The following UGT2B4 variants were observed in gnomAD, a reference collection of about 807,000 sequenced individuals.
UGT2B4 encodes the protein UDP-glucuronosyltransferase 2B4.
A neutral mutation model predicts 49.8 loss-of-function variants in UGT2B4; 49 were observed. The observed-to-expected ratio is 0.98, with a 90% confidence interval of 0.78 to 1.25. The LOEUF (loss-of-function observed/expected upper bound fraction) is 1.25. Ranked by LOEUF, UGT2B4 falls within the 50% of genes most tolerant of loss-of-function variation. The pLI is 0.00. For missense variants in UGT2B4, 729 were observed against 627.7 expected (o/e 1.16, Z -1.73); for synonymous variants, 246 against 217.7 (o/e 1.13, Z -1.14).
chr4:69,484,149 A>G (rs1481718944), intron 5 of UGT2B4, among the ~76,000 whole-genome samples: 2 of 152,176 alleles, frequency 1.3e-5, no homozygotes, highest in South Asian at 2.1e-4. Flanking sequence ...AAGACAAATA[A>G]TAACAGGTGT....
intron 1 of UGT2B4, among the ~76,000 whole-genome samples, chr4:69,514,710 G>GAGTT (rs1728687335): frequency 6.6e-6 from 1 of 152,104 alleles, no homozygotes; most frequent in Admixed American, 6.6e-5. Flanking sequence ...TGGGTTTATT[G>GAGTT]AGTTAATCGT....
At chr4:69,511,015 T>C (rs1437040776) in intron 1 of UGT2B4, among the ~76,000 whole-genome samples, 1 of 140,354 alleles carries the variant, frequency 7.1e-6, no homozygotes, top group Non-Finnish European at 1.5e-5. Context: ...TTTGAGACAG[T>C]CTCGCTCTAT....
intron 1 of UGT2B4, among the ~76,000 whole-genome samples, chr4:69,523,728 C>T (rs988481170): frequency 2.6e-5 from 4 of 152,070 alleles, no homozygotes; most frequent in Admixed American, 2.0e-4. Context: ...TAAAGCCAGG[C>T]ATTGACTTCT....
At chr4:69,498,684 G>T (rs1159177145), upstream of UGT2B4, among the ~76,000 whole-genome samples, 1 of 152,058 alleles carries the variant, frequency 6.6e-6, no homozygotes, top group Non-Finnish European at 1.5e-5. Context: ...TCTGATGGTG[G>T]TTTGTGTTTC....
chr4:69,510,082 T>C (rs1404483530), intron 1 of UGT2B4, among the ~76,000 whole-genome samples: 1 of 152,148 alleles, frequency 6.6e-6, no homozygotes, highest in Non-Finnish European at 1.5e-5. Flanking sequence ...ATATCCAGTG[T>C]TCATAGTACC....
upstream of UGT2B4, among the ~76,000 whole-genome samples, chr4:69,500,530 AAG>A (rs1324879536): frequency 1.3e-5 from 2 of 151,026 alleles, no homozygotes; most frequent in African/African-American, 4.9e-5. Context: ...GAAAGAAAGA[AAG>A]AAGAAAGAAA....
rs1727603806 is a variant in UGT2B4, at chr4:69,481,925, C to T, written c.1311-1015G>A. 1.3e-5 allele frequency among the ~76,000 whole-genome samples: 2 copies of T among 152,150 alleles called. 1 individual carries two copies. The highest frequency in any genetic ancestry group is 4.1e-4 in the South Asian group (2 of 4,830). On this transcript the variant is annotated intron_variant, in intron 5 of 5. Coordinates refer to ENST00000305107, the MANE Select transcript of UGT2B4 (RefSeq NM_021139.3). ...TTGAAATAAAAGTCAGATTGTGATA[C>T]TCCCCTGATTAAGACTTTTGCCTGA...
intron 1 of UGT2B4, among the ~76,000 whole-genome samples, chr4:69,524,977 AAAGCATTCCAGT>A (rs1402544258): frequency 6.6e-6 from 1 of 152,240 alleles, no homozygotes; most frequent in Non-Finnish European, 1.5e-5. Context: ...TGGTATTTAG[AAAGCATTCCAGT>A]AAGTATGAAT....
intron 1 of UGT2B4, among the ~76,000 whole-genome samples, chr4:69,511,610 ATCT>A (rs1305569593): frequency 4.6e-5 from 7 of 151,860 alleles, no homozygotes; most frequent in South Asian, 2.1e-4. Context: ...ACTGTTTTTT[ATCT>A]TCTTCTTCTC....
chr4:69,499,863 T>C (rs1438179483), upstream of UGT2B4, among the ~76,000 whole-genome samples: 1 of 152,170 alleles, frequency 6.6e-6, no homozygotes, highest in Admixed American at 6.5e-5. Flanking sequence ...CCATTTACTT[T>C]TAAGGTTAAT....
Position 69,489,586 on chromosome 4 carries a change from A to G in UGT2B4, c.871-16T>C. The G allele has an allele frequency of 6.3e-7, 1 of 1,599,272 alleles. No individual in the cohort carries two copies. ...CTTCCATTTCCTGTGAAAAAAAAGA[A>G]TTTGTTCTATCATAATAGATTATCA... On this transcript the variant is annotated splice_polypyrimidine_tract_variant and intron_variant, in intron 2 of 5. Transcript: ENST00000305107.
At chr4:69,521,469 G>C (rs1728847863) in intron 1 of UGT2B4, among the ~76,000 whole-genome samples, 1 of 152,142 alleles carries the variant, frequency 6.6e-6, no homozygotes, top group South Asian at 2.1e-4. Flanking sequence ...GTCTGGTCCA[G>C]CTGCAGCTTC....
chr4:69,510,522 CA>C (rs1728578383), intron 1 of UGT2B4, among the ~76,000 whole-genome samples: 1 of 150,948 alleles, frequency 6.6e-6, no homozygotes, highest in South Asian at 2.1e-4. Context: ...TTTTAATTTG[CA>C]TTCATCAATG....
chr4:69,517,841 G>T, intron 1 of UGT2B4: 1 of 173,082 alleles, frequency 5.8e-6, no homozygotes, highest in Non-Finnish European at 1.4e-5. Context: ...GGAGGTGGAA[G>T]TTTCCCAGAG....
intron 1 of UGT2B4, among the ~76,000 whole-genome samples, chr4:69,522,645 A>G (rs28712359): frequency 0.35 from 53,451 of 151,980 alleles, 9,486 homozygotes; most frequent in Non-Finnish European, 0.37. Context: ...CCTCCGTATT[A>G]ATGGCTGCTG....
intron 5 of UGT2B4, among the ~76,000 whole-genome samples, chr4:69,481,967 G>T (rs766242643): frequency 2.0e-5 from 3 of 152,112 alleles, no homozygotes; most frequent in Non-Finnish European, 4.4e-5. Flanking sequence ...ATCATATCAA[G>T]AATAAAATCC....
At chr4:69,495,975 T>A, upstream of UGT2B4, 1 of 1,458,082 alleles carries the variant, frequency 6.9e-7, no homozygotes. Flanking sequence ...CACTTCAAAG[T>A]AAATACATTA....
rs1038012290 is a variant in UGT2B4 at position 69,522,261 on chromosome 4, C to T, written c.-106+3426G>A. 3.9e-5 allele frequency among the ~76,000 whole-genome samples: 6 copies of T among 152,286 alleles called. No homozygotes were observed. In the East Asian group the frequency reaches 9.6e-4, roughly 24 times the overall value. On this transcript the variant is annotated intron_variant, in intron 1 of 1. Transcript: ENST00000510114. Reference sequence around the variant, plus strand: ...TACACACAATCAAAAACACATTATACACAACCTAAGTTTGAATGTTTCTGA... The same window carrying T: ...TACACACAATCAAAAACACATTATATACAACCTAAGTTTGAATGTTTCTGA...
chr4:69,524,351 A>G (rs35548726), intron 1 of UGT2B4, among the ~76,000 whole-genome samples: 53,325 of 151,760 alleles, frequency 0.35, 9,462 homozygotes, highest in Non-Finnish European at 0.37. Context: ...GCTTTGTAAG[A>G]TTATTAACTG....
Sources: gnomAD v4.1 joint callset for allele counts (sites outside exome capture counted in the v4.1 genomes callset) on GRCh38, gnomAD v4.1.1 for gene constraint, MANE v1.5 for transcripts, NCBI Gene and HGNC (gene_info 2026-07-23, HGNC 2026-07-21) for gene names.